ARHGEF11: variants seen among roughly 807,000 people sequenced by gnomAD.
ARHGEF11 encodes the protein Rho guanine nucleotide exchange factor 11, also known as Rho guanine exchange factor (GEF) 11.
Under a neutral mutation model 193.7 loss-of-function variants are expected in ARHGEF11, and 55 were observed. The observed-to-expected ratio is 0.28, with a 90% CI of 0.23 to 0.36. The LOEUF (loss-of-function observed/expected upper bound fraction) is 0.36, where lower values mean the gene tolerates loss of function less well. Among genes scored for constraint, ARHGEF11 ranks in the 10% least tolerant of loss-of-function variants. The pLI, the probability that ARHGEF11 is intolerant of heterozygous loss-of-function variation, is 1.00. For synonymous variants in ARHGEF11, 693 were observed against 768.0 expected (o/e 0.90, Z 1.62); for missense variants, 1,723 against 2,005.6 (o/e 0.86, Z 2.69).
In ARHGEF11 at chr1:156,948,426, C is replaced by T; in HGVS notation, c.1998G>A (p.Lys666=). The T allele has an allele frequency of 6.2e-7, 1 of 1,614,244 alleles. No homozygotes were observed. Among genetic ancestry groups the T allele is most frequent in the Non-Finnish European group, 8.5e-7 (1 of 1,180,046 alleles). Residue 666 remains lysine (K), a synonymous_variant, in exon 23 of 41, where the codon AAG becomes AAA. Coordinates refer to ENST00000368194, the MANE Select transcript of ARHGEF11 (RefSeq NM_198236.3). This position sits in a 1 kb window ranked among gnomAD's most constrained non-coding sequence, Gnocchi z 4.2. The part of the protein sequence containing the change: ...KGREEMKRSR[K]AENVPRSRSD... ...TGCGAGAGCGGGGCACGTTCTCTGC[C>T]TTTCGAGACCGTTTCATCTCTTCCC...
At chr1:156,951,438 T>TG in intron 22 of ARHGEF11, 135 bp downstream of exon 22, 1 of 1,171,504 alleles carries the variant, frequency 8.5e-7, no homozygotes, top group Non-Finnish European at 1.2e-6. Flanking sequence ...ATACTGGGGG[T>TG]GGGGAGGAAG....
At chr1:156,988,186 A>G (rs1257271847) in intron 1 of ARHGEF11, among the ~76,000 whole-genome samples, 1 of 152,120 alleles carries the variant, frequency 6.6e-6, no homozygotes, top group Admixed American at 6.6e-5. Context: ...TGCGCTGTTC[A>G]CTTGTCTGTA....
intron 22 of ARHGEF11, chr1:156,949,181 C>T (rs1658695022): frequency 1.1e-6 from 1 of 914,370 alleles, no homozygotes; most frequent in South Asian, 5.1e-5. Context: ...TTAAAGGGGC[C>T]TTTTTACTGA....
intron 38 of ARHGEF11, 54 bp downstream of exon 38, chr1:156,938,364 A>G: frequency 6.5e-7 from 1 of 1,548,658 alleles, no homozygotes; most frequent in East Asian, 2.3e-5. Context: ...CTGCCCTCAC[A>G]GGTTCCACAC....
At chr1:156,947,071 C>T (rs1026482088) in intron 26 of ARHGEF11, 56 bp from the exon 27 acceptor site, 1 of 1,595,746 alleles carries the variant, frequency 6.3e-7, no homozygotes, top group Non-Finnish European at 8.6e-7. Context: ...ACTGCCAGAA[C>T]CTTTCTGACA....
intron 2 of ARHGEF11, chr1:156,985,716 G>C (rs1275222850): frequency 2.7e-5 from 4 of 150,858 alleles, no homozygotes; most frequent in African/African-American, 9.9e-5. Flanking sequence ...AAGCCACCAC[G>C]CCCAGCCATG....
At chr1:157,037,099 G>A (rs1672138258) in intron 1 of ARHGEF11, among the ~76,000 whole-genome samples, 1 of 152,124 alleles carries the variant, frequency 6.6e-6, no homozygotes. Flanking sequence ...TGGCACTGTA[G>A]CCTGCGTAAC....
chr1:156,977,760 C>T (rs1663464263), intron 6 of ARHGEF11, among the ~76,000 whole-genome samples: 1 of 152,072 alleles, frequency 6.6e-6, no homozygotes, highest in African/African-American at 2.4e-5. Context: ...ACTGAGTGGG[C>T]TCTATATTTT....
intron 1 of ARHGEF11, among the ~76,000 whole-genome samples, chr1:157,001,891 G>T (rs1667244360): frequency 6.6e-6 from 1 of 152,186 alleles, no homozygotes; most frequent in South Asian, 2.1e-4. Context: ...AAAAATGGTA[G>T]GCATTTGTCC....
chr1:157,022,659 T>C (rs1571544274), intron 1 of ARHGEF11, among the ~76,000 whole-genome samples: 1 of 152,158 alleles, frequency 6.6e-6, no homozygotes, highest in East Asian at 1.9e-4. Flanking sequence ...TTAATAGAAA[T>C]TGACAAGCTG....
In ARHGEF11 at chr1:156,945,179, T is replaced by C; in HGVS notation, c.2831A>G (p.Glu944Gly). Residue 944 changes from glutamate (E) to glycine (G), a missense_variant, in exon 30 of 41, where the codon GAG becomes GGG. By Grantham distance (98) the Glu-to-Gly change is moderately conservative. Transcript: ENST00000368194. ...CTGGTCCCGGGCCCGGCACAGCTTC[T>C]CATGCTCAGAGGTGCCACCTACCAA... ...KHTEGGTSEH[E>G]KLCRARDQCR... is the part of the protein sequence containing the mutation. 1 of 1,613,972 alleles carries C rather than the reference T, an allele frequency of 6.2e-7. No individual in the cohort carries two copies. The highest frequency in any genetic ancestry group is 8.5e-7 in the Non-Finnish European group (1 of 1,179,926).
chr1:156,950,794 C>A (rs1571208622), intron 22 of ARHGEF11, among the ~76,000 whole-genome samples: 1 of 152,256 alleles, frequency 6.6e-6, no homozygotes, highest in Non-Finnish European at 1.5e-5. Context: ...AGCATTATTT[C>A]CCCCCACACA....
At chr1:157,006,544 AG>A (rs1459227219) in intron 1 of ARHGEF11, among the ~76,000 whole-genome samples, 1 of 152,136 alleles carries the variant, frequency 6.6e-6, no homozygotes, top group Non-Finnish European at 1.5e-5. Flanking sequence ...TTAGAAAAAA[AG>A]GGTTCTGAGG....
Position 156,942,787 on chromosome 1 carries a change from G to A in ARHGEF11, c.3236-7C>T, listed in dbSNP as rs369342252. Reference sequence around the variant, plus strand: ...ATGAAGAAGGCCCGTTTATCTGTGTGAGGAAAGGAAGGTAGAAGGGTCTGT... The same window carrying A: ...ATGAAGAAGGCCCGTTTATCTGTGTAAGGAAAGGAAGGTAGAAGGGTCTGT... On this transcript the variant is annotated splice_polypyrimidine_tract_variant and splice_region_variant and intron_variant, in intron 32 of 40. Transcript: ENST00000368194. The A allele has an allele frequency of 1.9e-6, 3 of 1,613,570 alleles. No homozygotes were observed. The highest frequency in any genetic ancestry group is 3.3e-5 in the Admixed American group (2 of 60,022).
At chr1:157,039,949 T>C (rs181770041) in intron 1 of ARHGEF11, among the ~76,000 whole-genome samples, 3 of 152,358 alleles carry the variant, frequency 2.0e-5, no homozygotes, top group Admixed American at 1.3e-4. Context: ...ACCTTTATAC[T>C]AACTAGGAGA....
At chr1:156,985,096 G>C (rs1340090289) in intron 2 of ARHGEF11, among the ~76,000 whole-genome samples, 2 of 152,112 alleles carry the variant, frequency 1.3e-5, no homozygotes, top group African/African-American at 4.8e-5. Flanking sequence ...ATTCCTGTGA[G>C]TGTATACTAG....
At chr1:157,006,751 T>C (rs79900720) in intron 1 of ARHGEF11, among the ~76,000 whole-genome samples, 1 of 152,214 alleles carries the variant, frequency 6.6e-6, no homozygotes, top group Non-Finnish European at 1.5e-5. Flanking sequence ...CCTCCTTCCC[T>C]GGATCACACT....
intron 9 of ARHGEF11, 77 bp from the exon 10 acceptor site, chr1:156,969,435 T>G (rs1250497643): frequency 7.9e-6 from 11 of 1,400,292 alleles, no homozygotes; most frequent in African/African-American, 1.4e-5. Context: ...TGGGCACCTG[T>G]GTGCAGGGCA....
chr1:156,987,010 A>G (rs2102494545), intron 1 of ARHGEF11, among the ~76,000 whole-genome samples: 1 of 152,206 alleles, frequency 6.6e-6, no homozygotes, highest in East Asian at 1.9e-4. Context: ...CAAACCTTCA[A>G]GTGGTACACA....
Sources: gnomAD v4.1 joint callset for allele counts (sites outside exome capture counted in the v4.1 genomes callset) on GRCh38, gnomAD v4.1.1 for gene constraint, Gnocchi (gnomAD v3.1) non-coding constraint, MANE v1.5 for transcripts, NCBI Gene and HGNC (gene_info 2026-07-23, HGNC 2026-07-21) for gene names.